RPS6KA2: variants seen among roughly 807,000 people sequenced by gnomAD.
RPS6KA2 encodes ribosomal protein S6 kinase A2, also known as ribosomal protein S6 kinase alpha-2.
A neutral mutation model predicts 91.8 loss-of-function variants in RPS6KA2; 42 were observed. That is an observed-to-expected ratio of 0.46 (90% confidence interval 0.36 to 0.59). The LOEUF (loss-of-function observed/expected upper bound fraction) is 0.59, where lower values mean the gene tolerates loss of function less well. RPS6KA2 is among the 20% of genes least tolerant of loss of function. The pLI is 0.00. For synonymous variants in RPS6KA2, 414 were observed against 393.6 expected (o/e 1.05, Z -0.61); for missense variants, 798 against 978.5 (o/e 0.82, Z 2.46).
chr6:166,824,757 G>C (rs1283620767), intron 2 of RPS6KA2, among the ~76,000 whole-genome samples: 83 of 146,796 alleles, frequency 5.7e-4, no homozygotes, highest in African/African-American at 1.9e-3. Context: ...GTATGTCTGT[G>C]TGTGTGTCTG....
intron 2 of RPS6KA2, among the ~76,000 whole-genome samples, chr6:166,834,930 T>C (rs1388694352): frequency 4.6e-5 from 7 of 152,172 alleles, no homozygotes; most frequent in Non-Finnish European, 8.8e-5. Context: ...ATTTATTCTA[T>C]CAGTGTTATT....
chr6:166,809,130 G>A lies in RPS6KA2; in HGVS notation c.123+49070C>T, dbSNP rs191716418. On this transcript the variant is annotated intron_variant, in intron 2 of 21. Transcript: ENST00000503859. ...TGGGGGAAAGGATGAATTTTATATC[G>A]GTGGTTTCAGGAAAACTGGATTACT... 1.2e-4 allele frequency among the ~76,000 whole-genome samples: 18 copies of A among 152,202 alleles called. No homozygotes were observed. In the South Asian group the frequency reaches 2.5e-3, roughly 21 times the overall value.
intron 2 of RPS6KA2, among the ~76,000 whole-genome samples, chr6:166,856,397 T>G (rs1780905376): frequency 6.6e-6 from 1 of 152,186 alleles, no homozygotes; most frequent in South Asian, 2.1e-4. Flanking sequence ...CCATCAAACC[T>G]GCCATGCCTT....
chr6:166,496,944 T>C (rs1781807368), intron 8 of RPS6KA2, among the ~76,000 whole-genome samples: 1 of 152,142 alleles, frequency 6.6e-6, no homozygotes, highest in Non-Finnish European at 1.5e-5. Flanking sequence ...GTGGGAGGTC[T>C]CCACAGGGCT....
chr6:166,790,207 G>A (rs1298524840), intron 2 of RPS6KA2, among the ~76,000 whole-genome samples: 3 of 152,180 alleles, frequency 2.0e-5, no homozygotes, highest in Admixed American at 6.5e-5. Context: ...CGAGAATTAC[G>A]TGAAGAATGC....
chr6:166,802,963 T>A (rs974277835), intron 2 of RPS6KA2, among the ~76,000 whole-genome samples: 21 of 150,428 alleles, frequency 1.4e-4, no homozygotes, highest in South Asian at 4.2e-4. Flanking sequence ...TATATATATA[T>A]AAAATGATTA....
chr6:166,550,822 G>C (rs930845644), intron 1 of RPS6KA2, among the ~76,000 whole-genome samples: 2 of 151,902 alleles, frequency 1.3e-5, no homozygotes, highest in Non-Finnish European at 2.9e-5. Flanking sequence ...CTAACACGGT[G>C]AAACCCCGTC....
chr6:166,674,129 A>G (rs1788555810), intron 2 of RPS6KA2, among the ~76,000 whole-genome samples: 1 of 152,222 alleles, frequency 6.6e-6, no homozygotes, highest in Admixed American at 6.5e-5. Flanking sequence ...AGAGTCTGCA[A>G]ACAGGAAATG....
At chr6:166,645,490 C>T (rs972717427) in intron 2 of RPS6KA2, among the ~76,000 whole-genome samples, 1 of 152,202 alleles carries the variant, frequency 6.6e-6, no homozygotes, top group Non-Finnish European at 1.5e-5. Flanking sequence ...TCTCCACCTC[C>T]CCTCCTCTCT....
chr6:166,588,006 T>A (rs1785236722), intron 1 of RPS6KA2, among the ~76,000 whole-genome samples: 1 of 152,224 alleles, frequency 6.6e-6, no homozygotes, highest in African/African-American at 2.4e-5. Context: ...ATATGCAGCA[T>A]AAAATGAATG....
intron 2 of RPS6KA2, among the ~76,000 whole-genome samples, chr6:166,791,093 A>G (rs1460816767): frequency 6.6e-6 from 1 of 152,244 alleles, no homozygotes; most frequent in African/African-American, 2.4e-5. Flanking sequence ...GTCAAGACCC[A>G]TCAGTGTGCT....
Position 166,504,626 on chromosome 6 carries a change from AAC to A in RPS6KA2, c.460-16_460-15del. ...CGTGAACATGACCTAGTAAGAAAAA[AAC>A]AAAAACAAAAACAAAAAACGTTTAA... is the stretch of plus-strand genomic sequence containing the variant. On this transcript the variant is annotated splice_polypyrimidine_tract_variant and intron_variant, in intron 5 of 20. Transcript: ENST00000265678. The A allele has an allele frequency of 1.3e-6, 2 of 1,518,004 alleles. No homozygotes were observed. Among genetic ancestry groups the A allele is most frequent in the South Asian group, 2.3e-5 (2 of 85,430 alleles). The allele number at this position is 1,518,004 out of a possible 1,614,324, so 94.0% of individuals were successfully genotyped here. A position where few individuals can be genotyped will look rare whatever the true frequency, so the allele number is the denominator to read the frequency against.
chr6:166,701,588 G>C, intron 2 of RPS6KA2: 1 of 1,370,684 alleles, frequency 7.3e-7, no homozygotes, highest in Non-Finnish European at 1.0e-6. Context: ...CTGACTGATA[G>C]AGCCGGGATA....
At chr6:166,473,556 A>G (rs930277342) in intron 10 of RPS6KA2, among the ~76,000 whole-genome samples, 2 of 152,216 alleles carry the variant, frequency 1.3e-5, no homozygotes, top group African/African-American at 4.8e-5. Context: ...GAGGTAAGCC[A>G]TTCATTTCAT....
At chr6:166,664,800 T>TAGAAA (rs1167560344) in intron 2 of RPS6KA2, among the ~76,000 whole-genome samples, 1 of 152,160 alleles carries the variant, frequency 6.6e-6, no homozygotes, top group Non-Finnish European at 1.5e-5. Flanking sequence ...GAGAGTGTGC[T>TAGAAA]AGAAAAGAAA....
chr6:166,536,767 T>C (rs1390309229), intron 2 of RPS6KA2, among the ~76,000 whole-genome samples: 3 of 152,166 alleles, frequency 2.0e-5, no homozygotes, highest in Non-Finnish European at 4.4e-5. Context: ...TGCCTCATCC[T>C]TCTCTTTCCC....
chr6:166,801,254 C>T (rs1277941173), intron 2 of RPS6KA2, among the ~76,000 whole-genome samples: 1 of 151,984 alleles, frequency 6.6e-6, no homozygotes, highest in East Asian at 1.9e-4. Context: ...AAGATAGTAT[C>T]CAGGGAGAAA....
chr6:166,482,451 C>G (rs1781260909), intron 10 of RPS6KA2, among the ~76,000 whole-genome samples: 1 of 152,150 alleles, frequency 6.6e-6, no homozygotes, highest in Admixed American at 6.5e-5. Context: ...GAGGAATGTC[C>G]CAGGAAATTC....
chr6:166,543,878 C>T (rs200675848), intron 1 of RPS6KA2, among the ~76,000 whole-genome samples: 1 of 132,220 alleles, frequency 7.6e-6, no homozygotes, highest in Non-Finnish European at 1.7e-5. Flanking sequence ...GTGTGTGAGA[C>T]AGGTCTTGTT....
Sources: gnomAD v4.1 joint callset for allele counts (sites outside exome capture counted in the v4.1 genomes callset) on GRCh38, gnomAD v4.1.1 for gene constraint, MANE v1.5 for transcripts, NCBI Gene and HGNC (gene_info 2026-07-23, HGNC 2026-07-21) for gene names.